The following NPEPPS variants were observed in gnomAD, a reference collection of about 807,000 sequenced individuals.
The protein encoded by NPEPPS is puromycin-sensitive aminopeptidase.
NPEPPS carries 14 observed loss-of-function variants against 115.5 expected under a neutral mutation model. That is an observed-to-expected ratio of 0.12 (90% CI 0.08 to 0.19). NPEPPS has a LOEUF of 0.19. Ranked by LOEUF, NPEPPS falls within the 10% of genes least tolerant of loss-of-function variation. The pLI is 1.00. For missense variants in NPEPPS, 523 were observed against 1,110.8 expected (o/e 0.47, Z 7.52); for synonymous variants, 285 against 390.6 (o/e 0.73, Z 3.19).
chr17:47,560,704 C>G (rs1910372114), intron 2 of NPEPPS, among the ~76,000 whole-genome samples: 1 of 152,158 alleles, frequency 6.6e-6, no homozygotes, highest in Non-Finnish European at 1.5e-5. Context: ...AAAGTATGTT[C>G]CAAGTAGCAG....
chr17:47,619,574 T>TA, intron 21 of NPEPPS, 163 bp from the exon 22 acceptor site: 1 of 650,230 alleles, frequency 1.5e-6, no homozygotes, highest in Non-Finnish European at 2.7e-6. Context: ...AAAGTTTCCT[T>TA]AAATAGTTAC....
At chr17:47,592,360 A>G (rs1912560540) in intron 11 of NPEPPS, 125 bp from the exon 12 acceptor site, 3 of 771,340 alleles carry the variant, frequency 3.9e-6, no homozygotes, top group African/African-American at 1.7e-5. Context: ...TCAGAAGGAT[A>G]TATGTGTTTC....
Position 47,531,243 on chromosome 17 carries a change from C to A in NPEPPS, c.-58C>A, listed in dbSNP as rs572926933. ...CCCCTAGCGCTCCGGCTGGGTCTCT[C>A]CCCCGCCCCCCAGGCTCCCCCGGTC... On this transcript the variant is annotated 5_prime_UTR_variant, in exon 1 of 23. Coordinates refer to ENST00000322157, the MANE Select transcript of NPEPPS (RefSeq NM_006310.4). 76 of 1,371,730 alleles carry A rather than the reference C, an allele frequency of 5.5e-5. 1 individual carries two copies. In the African/African-American group the frequency reaches 7.5e-4, roughly 14 times the overall value. 85.0% of individuals were successfully genotyped at this position (1,371,730 alleles called of 1,614,324 possible). A position where few individuals can be genotyped will look rare whatever the true frequency, so the allele number is the denominator to read the frequency against.
intron 5 of NPEPPS, 119 bp from the exon 6 acceptor site, chr17:47,585,381 G>C: frequency 1.5e-6 from 1 of 672,690 alleles, no homozygotes. Flanking sequence ...AGAGAAATAA[G>C]CCATGCTAGA....
intron 2 of NPEPPS, among the ~76,000 whole-genome samples, chr17:47,567,297 T>C (rs1255826272): frequency 2.0e-5 from 3 of 152,236 alleles, no homozygotes; most frequent in African/African-American, 7.2e-5. Flanking sequence ...AGTTTCTTAA[T>C]TGGTTTTGTA....
chr17:47,574,469 G>A (rs1911385513), intron 3 of NPEPPS, among the ~76,000 whole-genome samples: 1 of 152,136 alleles, frequency 6.6e-6, no homozygotes, highest in Non-Finnish European at 1.5e-5. Context: ...CCAGGGAAGA[G>A]TAGACAGAAA....
chr17:47,612,379 C>A, intron 17 of NPEPPS, 81 bp from the exon 18 acceptor site: 2 of 1,442,440 alleles, frequency 1.4e-6, no homozygotes, highest in Non-Finnish European at 1.9e-6. Context: ...TGGTATAGCA[C>A]AATTATAAGA....
chr17:47,589,244 G>T (rs1364080002), intron 9 of NPEPPS, among the ~76,000 whole-genome samples: 1 of 151,922 alleles, frequency 6.6e-6, no homozygotes, highest in Non-Finnish European at 1.5e-5. Flanking sequence ...ACCACACCTG[G>T]CCTTTTCTGG....
chr17:47,546,072 G>GTGTGTT (rs1909190310), intron 2 of NPEPPS, 79 bp downstream of exon 2: 3 of 1,489,282 alleles, frequency 2.0e-6, no homozygotes, highest in African/African-American at 3.0e-5. Flanking sequence ...GTGTGTGTGT[G>GTGTGTT]TGAGAGAGAG....
intron 3 of NPEPPS, among the ~76,000 whole-genome samples, chr17:47,570,064 A>C (rs1490957222): frequency 2.0e-5 from 3 of 152,190 alleles, no homozygotes; most frequent in African/African-American, 7.2e-5. Context: ...AAACAGGACA[A>C]AAACTAAAGA....
chr17:47,541,490 C>T (rs2143694627), intron 1 of NPEPPS, among the ~76,000 whole-genome samples: 1 of 152,166 alleles, frequency 6.6e-6, no homozygotes, highest in Admixed American at 6.5e-5. Flanking sequence ...GATTCTCCTG[C>T]CTCAGCCTCC....
At chr17:47,577,656 A>G (rs1315971409) in intron 3 of NPEPPS, among the ~76,000 whole-genome samples, 4 of 152,228 alleles carry the variant, frequency 2.6e-5, no homozygotes, top group African/African-American at 9.6e-5. Flanking sequence ...AAATGTCTTC[A>G]ATTAAGCTTC....
At chr17:47,528,432 C>G (rs1438678478), upstream of NPEPPS, among the ~76,000 whole-genome samples, 1 of 152,124 alleles carries the variant, frequency 6.6e-6, no homozygotes, top group African/African-American at 2.4e-5. Context: ...TTCAATCTGC[C>G]TTTCTGAAAA....
At chr17:47,527,941 T>G (rs1431645227), upstream of NPEPPS, among the ~76,000 whole-genome samples, 1 of 140,710 alleles carries the variant, frequency 7.1e-6, no homozygotes, top group East Asian at 2.2e-4. Context: ...AGATCGAAAC[T>G]CCATCTCAAA....
At chr17:47,537,375 C>G (rs1188243964) in intron 1 of NPEPPS, among the ~76,000 whole-genome samples, 1 of 151,962 alleles carries the variant, frequency 6.6e-6, no homozygotes, top group East Asian at 1.9e-4. Context: ...GAAGTTTACC[C>G]TTTGAGGCCC....
chr17:47,616,718 G>C (rs1297526939), intron 19 of NPEPPS, among the ~76,000 whole-genome samples: 3 of 149,162 alleles, frequency 2.0e-5, no homozygotes, highest in East Asian at 2.0e-4. Flanking sequence ...TTAGCTAGGC[G>C]TGGTTGTAGT....
chr17:47,601,505 T>G, intron 14 of NPEPPS, 103 bp from the exon 15 acceptor site: 1 of 1,231,586 alleles, frequency 8.1e-7, no homozygotes, highest in African/African-American at 1.5e-5. Flanking sequence ...ACTATTGACT[T>G]AACAGTTTGG....
Position 47,615,110 on chromosome 17 carries a change from A to C in NPEPPS, c.2295+1385A>C, listed in dbSNP as rs192602145. 4.5e-4 allele frequency among the ~76,000 whole-genome samples: 57 copies of C among 127,394 alleles called. No homozygotes were observed. In the East Asian group the frequency reaches 0.011, roughly 25 times the overall value. 83.6% of individuals were successfully genotyped at this position (127,394 alleles called of 152,430 possible). A position where few individuals can be genotyped will look rare whatever the true frequency, so the allele number is the denominator to read the frequency against. The stretch of plus-strand genomic sequence containing the variant: ...TTTTTTTTTTTTGAGACGGAGTCTC[A>C]CTCTGTCACCAGGCTGGAGTGTAGT... On this transcript the variant is annotated intron_variant, in intron 19 of 22. Coordinates refer to ENST00000322157, the MANE Select transcript of NPEPPS (RefSeq NM_006310.4).
intron 17 of NPEPPS, among the ~76,000 whole-genome samples, chr17:47,610,593 A>G (rs1039509073): frequency 6.6e-6 from 1 of 151,946 alleles, no homozygotes. Flanking sequence ...CATGTTGGCC[A>G]GGATGGTCTC....
Sources: allele counts gnomAD v4.1 joint callset (sites outside exome capture counted in the v4.1 genomes callset), GRCh38; gene constraint gnomAD v4.1.1; transcripts MANE v1.5; gene names NCBI Gene and HGNC (gene_info 2026-07-23, HGNC 2026-07-21).